Variants in STAM2 observed in about 807,000 individuals in gnomAD.
STAM2 encodes signal transducing adaptor molecule 2, also known as signal transducing adapter molecule 2.
A neutral mutation model predicts 65.6 loss-of-function variants in STAM2; 51 were observed. That is an observed-to-expected ratio of 0.78 (90% CI 0.62 to 0.98). STAM2 has a LOEUF of 0.98. STAM2 is among the 50% of genes least tolerant of loss of function. The pLI is 0.00. For missense variants in STAM2, 584 were observed against 617.8 expected, an observed-to-expected ratio of 0.95 and a Z score of 0.58; for synonymous variants, 198 against 208.4, an observed-to-expected ratio of 0.95 and a Z score of 0.43.
At chr2:152,166,013 G>A (rs1689777109) in intron 1 of STAM2, among the ~76,000 whole-genome samples, 1 of 152,104 alleles carries the variant, frequency 6.6e-6, no homozygotes, top group Non-Finnish European at 1.5e-5. Flanking sequence ...GACCAGCCTG[G>A]CCAACACAGC....
intron 11 of STAM2, among the ~76,000 whole-genome samples, chr2:152,130,664 C>A (rs1173326255): frequency 5.3e-5 from 8 of 151,384 alleles, no homozygotes; most frequent in African/African-American, 1.9e-4. Flanking sequence ...TTGAGACCAG[C>A]CTGGGCAGCA....
chr2:152,133,126 T>C (rs752216636), intron 10 of STAM2, 47 bp downstream of exon 10: 7 of 1,037,822 alleles, frequency 6.7e-6, no homozygotes, highest in Non-Finnish European at 7.6e-6. Context: ...CATGAATAGC[T>C]AAAATATTAA....
chr2:152,123,042 T>A (rs188507472), intron 13 of STAM2, among the ~76,000 whole-genome samples: 4 of 150,658 alleles, frequency 2.7e-5, no homozygotes, highest in Non-Finnish European at 5.9e-5. Flanking sequence ...CTGCACTCTA[T>A]CCTGGGCGAC....
At chr2:152,140,218 G>A (rs569819745) in intron 7 of STAM2, among the ~76,000 whole-genome samples, 4 of 152,110 alleles carry the variant, frequency 2.6e-5, no homozygotes, top group Non-Finnish European at 5.9e-5. Context: ...AATCTGACAC[G>A]GGTTTTGAAG....
chr2:152,125,437 C>A (rs753742417), intron 12 of STAM2, among the ~76,000 whole-genome samples: 1 of 152,188 alleles, frequency 6.6e-6, no homozygotes, highest in Non-Finnish European at 1.5e-5. Flanking sequence ...CCTTTACATA[C>A]CAGTTTTCAT....
chr2:152,151,591 A>T (rs146975796), intron 1 of STAM2, among the ~76,000 whole-genome samples: 3 of 152,256 alleles, frequency 2.0e-5, no homozygotes. Context: ...GAGTTGTACA[A>T]CTAACACCAG....
Position 152,143,831 on chromosome 2 carries a change from C to T in STAM2, c.700G>A (p.Asp234Asn). ...CCATAAAGATTTAAAACTTACCTGTCATCCAAAACAATAATTATTTCACCA... is the reference window on the plus strand; with the variant it reads ...CCATAAAGATTTAAAACTTACCTGTTATCCAAAACAATAATTATTTCACCA... The part of the protein sequence containing the change: ...KHGEIIIVLD[D>N]SDANWWKGEN... The change falls in exon 7 of 14, where the codon GAC becomes AAC. Residue 234 changes from aspartate (D) to asparagine (N), a missense_variant. Physicochemically the swap from Asp to Asn is conservative, Grantham distance 23. Coordinates refer to ENST00000263904, the MANE Select transcript of STAM2 (RefSeq NM_005843.6). 1 of 1,606,954 alleles carries T rather than the reference C, an allele frequency of 6.2e-7. No homozygotes were observed. Among genetic ancestry groups the T allele is most frequent in the Non-Finnish European group, 8.5e-7 (1 of 1,176,850 alleles).
chr2:152,124,606 C>A (rs1009245366), intron 12 of STAM2: 1 of 152,196 alleles, frequency 6.6e-6, no homozygotes, highest in Non-Finnish European at 1.5e-5. Flanking sequence ...TACCACCTGT[C>A]TACTAAATAT....
chr2:152,129,749 A>C lies in STAM2; in HGVS notation c.1025+2365T>G, dbSNP rs572868982. Among the ~76,000 whole-genome samples, 3 of 152,348 alleles carry C rather than the reference A, an allele frequency of 2.0e-5. No individual in the cohort carries two copies. In the East Asian group the frequency reaches 5.8e-4, roughly 29 times the overall value. On this transcript the variant is annotated intron_variant, in intron 11 of 13. Transcript: ENST00000263904. ...AGCCACATCTATCATAATACTTTTT[A>C]ATCTTTTCCAGTTTGATTATTCACT...
chr2:152,123,843 T>A lies in STAM2; in HGVS notation c.1272A>T (p.Gln424His). Residue 424 changes from glutamine to histidine, a missense_variant, in exon 13 of 14, where the codon CAA (glutamine) becomes CAT (histidine). Transcript: ENST00000263904. Reference protein sequence around the residue: ...VAQSYSLGPDQIGPLRSLPPN... With the variant: ...VAQSYSLGPDHIGPLRSLPPN... ...GAGGCAGAGATCTCAGTGGACCAAT[T>A]TGATCGGGTCCTAGGCTATAGCTTT... 1 of 1,614,128 alleles carries A rather than the reference T, an allele frequency of 6.2e-7. No individual in the cohort carries two copies.
rs868689020 is a variant in STAM2, at chr2:152,160,376, C to A, written c.41-10147G>T. Among the ~76,000 whole-genome samples, 18 of 151,896 alleles carry A rather than the reference C, an allele frequency of 1.2e-4. No individual in the cohort carries two copies. In the Middle Eastern group the frequency reaches 0.01, roughly 86 times the overall value. ...CTGAGATGTGGGGAGCGCCTCTGCC[C>A]TGCCACCCCGTCTGGGATGTGAGGA... On this transcript the variant is annotated intron_variant, in intron 1 of 13. Coordinates refer to ENST00000263904, the MANE Select transcript of STAM2 (RefSeq NM_005843.6).
intron 1 of STAM2, among the ~76,000 whole-genome samples, chr2:152,160,941 C>T (rs925399891): frequency 1.3e-5 from 2 of 152,146 alleles, no homozygotes; most frequent in African/African-American, 4.8e-5. Flanking sequence ...TGCCCAGCCG[C>T]CCCTACTGGG....
chr2:152,158,246 G>A (rs923819900), intron 1 of STAM2, among the ~76,000 whole-genome samples: 1 of 152,172 alleles, frequency 6.6e-6, no homozygotes, highest in African/African-American at 2.4e-5. Context: ...GGAAGCCAAG[G>A]GGGGTGGATC....
intron 8 of STAM2, among the ~76,000 whole-genome samples, chr2:152,134,643 C>G (rs1560213099): frequency 6.6e-6 from 1 of 152,148 alleles, no homozygotes; most frequent in Admixed American, 6.5e-5. Context: ...ACTTTAGAAT[C>G]CTGGCTCAAT....
chr2:152,160,940 G>T (rs978109273), intron 1 of STAM2, among the ~76,000 whole-genome samples: 35 of 151,756 alleles, frequency 2.3e-4, no homozygotes, highest in Admixed American at 6.6e-4. Flanking sequence ...CTGCCCAGCC[G>T]CCCCTACTGG....
chr2:152,175,198 A>G (rs924613105), intron 1 of STAM2, among the ~76,000 whole-genome samples: 3 of 152,200 alleles, frequency 2.0e-5, no homozygotes, highest in Non-Finnish European at 4.4e-5. Flanking sequence ...GCTTCTCTAG[A>G]CAGCAGGGTC....
intron 1 of STAM2, among the ~76,000 whole-genome samples, chr2:152,157,366 C>T (rs1413553213): frequency 6.6e-6 from 1 of 152,170 alleles, no homozygotes; most frequent in Non-Finnish European, 1.5e-5. Flanking sequence ...CCGTAATCCC[C>T]AGTGTGGCTG....
chr2:152,164,154 A>G (rs1233254073), intron 1 of STAM2, among the ~76,000 whole-genome samples: 1 of 152,052 alleles, frequency 6.6e-6, no homozygotes, highest in Non-Finnish European at 1.5e-5. Context: ...GCCCAGCTGT[A>G]AAATTCTTCT....
intron 13 of STAM2, among the ~76,000 whole-genome samples, chr2:152,123,070 TAAAAA>T (rs57855439): frequency 7.1e-6 from 1 of 141,252 alleles, no homozygotes; most frequent in South Asian, 2.2e-4. Context: ...GACCTTGTCT[TAAAAA>T]AAAAAAAACT....
Sources: gnomAD v4.1 joint callset for allele counts (sites outside exome capture counted in the v4.1 genomes callset) on GRCh38, gnomAD v4.1.1 for gene constraint, MANE v1.5 for transcripts, NCBI Gene and HGNC (gene_info 2026-07-23, HGNC 2026-07-21) for gene names.